BUB1: variants seen among roughly 807,000 people sequenced by gnomAD.
BUB1 encodes the protein mitotic checkpoint serine/threonine-protein kinase BUB1.
A neutral mutation model predicts 135.2 loss-of-function variants in BUB1; 84 were observed. The ratio of observed to expected loss-of-function variants is 0.62; its 90% CI spans 0.52 to 0.74. BUB1 has a LOEUF of 0.74. Among genes scored for constraint, BUB1 ranks in the 30% least tolerant of loss-of-function variants. The probability of loss-of-function intolerance (pLI) is 0.00; values close to 1 mark genes in which losing one functional copy is unlikely to be tolerated. For synonymous variants in BUB1, 403 were observed against 434.4 expected, an observed-to-expected ratio of 0.93 and a Z score of 0.90; for missense variants, 1,162 against 1,288.3, an observed-to-expected ratio of 0.90 and a Z score of 1.50.
intron 23 of BUB1, 123 bp downstream of exon 23, chr2:110,640,911 A>G: frequency 1.0e-6 from 1 of 966,110 alleles, no homozygotes; most frequent in South Asian, 2.1e-5. Flanking sequence ...CCTTAGGCTC[A>G]TCTCTCCTTC....
intron 23 of BUB1, 139 bp downstream of exon 23, chr2:110,640,895 T>C (rs13398617): frequency 0.058 from 42,444 of 727,410 alleles, 3,296 homozygotes; most frequent in African/African-American, 0.3. Flanking sequence ...ATCCCTGCCA[T>C]GTTGGCCTTA....
intron 24 of BUB1, 22 bp downstream of exon 24, chr2:110,639,720 C>A (rs139042805): frequency 1.3e-5 from 20 of 1,527,256 alleles, no homozygotes; most frequent in African/African-American, 2.7e-5. Context: ...CTTTTCACTA[C>A]AGCACCAATG....
At chr2:110,653,200 T>C (rs780149881) in intron 17 of BUB1, among the ~76,000 whole-genome samples, 5 of 152,238 alleles carry the variant, frequency 3.3e-5, no homozygotes, top group Non-Finnish European at 7.3e-5. Context: ...GTTTCTCTGA[T>C]GTTTTCTCAT....
At chr2:110,647,693 G>A (rs1037228670) in intron 19 of BUB1, among the ~76,000 whole-genome samples, 2 of 152,022 alleles carry the variant, frequency 1.3e-5, no homozygotes, top group African/African-American at 4.8e-5. Context: ...CTAAGATCAG[G>A]AACAAGGCAA....
intron 17 of BUB1, among the ~76,000 whole-genome samples, chr2:110,651,720 G>A (rs1262272168): frequency 1.3e-5 from 2 of 152,108 alleles, no homozygotes; most frequent in Non-Finnish European, 2.9e-5. Context: ...TCCATTCATG[G>A]GAAGTGCCCT....
At chr2:110,660,626 A>C (rs879853079) in intron 10 of BUB1, among the ~76,000 whole-genome samples, 7 of 152,294 alleles carry the variant, frequency 4.6e-5, no homozygotes, top group South Asian at 2.1e-4. Flanking sequence ...CAGGGATTAC[A>C]GGGATAAGAA....
chr2:110,637,890 G>T lies in BUB1; in HGVS notation c.*74C>A. 1.0e-6 allele frequency: 1 copy of T among 997,790 alleles called. No individual in the cohort carries two copies. The highest frequency in any genetic ancestry group is 1.4e-6 in the Non-Finnish European group (1 of 731,328). 61.8% of individuals were successfully genotyped at this position (997,790 alleles called of 1,614,324 possible). ...ACAAACATTTACATAAACAATAAATGAAAAAAAAACAGGTTTAAAGTGAGC... is the reference window on the plus strand; with the variant it reads ...ACAAACATTTACATAAACAATAAATTAAAAAAAAACAGGTTTAAAGTGAGC... On this transcript the variant is annotated 3_prime_UTR_variant, in exon 25 of 25. Transcript: ENST00000302759.
chr2:110,668,211 T>C (rs1444860109), intron 6 of BUB1, among the ~76,000 whole-genome samples: 1 of 152,168 alleles, frequency 6.6e-6, no homozygotes, highest in African/African-American at 2.4e-5. Flanking sequence ...TGCTAATTTT[T>C]TTTTTAATTA....
At chr2:110,677,742 C>G (rs538690136) in intron 1 of BUB1, among the ~76,000 whole-genome samples, 1 of 152,338 alleles carries the variant, frequency 6.6e-6, no homozygotes, top group East Asian at 1.9e-4. Flanking sequence ...TTGCTCCAAA[C>G]GGCCACCGCG....
chr2:110,661,928 G>A, intron 9 of BUB1, 87 bp from the exon 10 acceptor site: 3 of 1,479,748 alleles, frequency 2.0e-6, no homozygotes, highest in Non-Finnish European at 1.8e-6. Context: ...TCAAAGCATG[G>A]CATCTGTCTT....
At position 110,661,624 on chromosome 2, in the gene BUB1, G is replaced by C. The variant is rs769147680; in HGVS notation, c.1175C>G (p.Thr392Arg). The change falls in exon 10 of 25, where the codon ACA (threonine) becomes AGA (arginine). Residue 392 changes from threonine (T) to arginine (R), a missense_variant. Coordinates refer to ENST00000302759, the MANE Select transcript of BUB1 (RefSeq NM_004336.5). The stretch of plus-strand genomic sequence containing the variant: ...CACTGCAAACATGGAGTCTGTTACT[G>C]TCTGGGCTTTCAAAGGAACAGGAGG... Reference protein sequence around the residue: ...IAPPVPLKAQTVTDSMFAVAS... With the variant: ...IAPPVPLKAQRVTDSMFAVAS... 1.2e-6 allele frequency: 2 copies of C among 1,614,196 alleles called. No homozygotes were observed. Among genetic ancestry groups the C allele is most frequent in the Admixed American group, 3.3e-5 (2 of 60,030 alleles).
chr2:110,644,086 AAGAAAT>A (rs1689579571), intron 19 of BUB1, among the ~76,000 whole-genome samples: 1 of 150,760 alleles, frequency 6.6e-6, no homozygotes, highest in Non-Finnish European at 1.5e-5. Context: ...AAAAAATAGA[AAGAAAT>A]AGATAGAATA....
chr2:110,665,161 G>A (rs1029677600), intron 9 of BUB1, among the ~76,000 whole-genome samples: 1 of 152,216 alleles, frequency 6.6e-6, no homozygotes, highest in Non-Finnish European at 1.5e-5. Context: ...TCTATCAGAG[G>A]TGTTAGGTAG....
At position 110,670,429 on chromosome 2, in the gene BUB1, T is replaced by C. The variant is rs917883427; in HGVS notation, c.466+96A>G. 2.1e-6 allele frequency: 3 copies of C among 1,421,862 alleles called. No individual in the cohort carries two copies. The East Asian group carries it at 6.9e-5, about 33-fold the overall frequency. The allele number at this position is 1,421,862 out of a possible 1,614,324, so 88.1% of individuals were successfully genotyped here. ...CTGGGATTACAGGTGTGAGCCACCA[T>C]GCCCAGCCGGGTTTGTTTTTTAAAG... is the stretch of plus-strand genomic sequence containing the variant. On this transcript the variant is annotated intron_variant, in intron 5 of 24. Coordinates refer to ENST00000302759, the MANE Select transcript of BUB1 (RefSeq NM_004336.5).
chr2:110,657,596 A>G lies in BUB1; in HGVS notation c.1566T>C (p.Ser522=). 1 of 1,608,300 alleles carries G rather than the reference A, an allele frequency of 6.2e-7. No homozygotes were observed. Among genetic ancestry groups the G allele is most frequent in the African/African-American group, 1.3e-5 (1 of 74,808 alleles). Residue 522 remains serine (S), a synonymous_variant, in exon 14 of 25, where the codon TCT becomes TCC. Transcript: ENST00000302759. ...GAWGVNKIIS[S]LSSAFHVFED... ...CAAACACATGAAAAGCAGATGACAA[A>G]GAAGAGATGATCTTATTGACTCCCC... is the stretch of plus-strand genomic sequence containing the variant.
rs956742139 is a variant in BUB1 at position 110,641,395 on chromosome 2, T to C, written c.2695A>G (p.Met899Val). 5 of 1,614,160 alleles carry C rather than the reference T, an allele frequency of 3.1e-6. No homozygotes were observed. Among genetic ancestry groups the C allele is most frequent in the Non-Finnish European group, 3.4e-6 (4 of 1,180,000 alleles). ...TGCTCAATCATGTAAAGCATTCTCA[T>C]AGCAAAAGAGATGACAAGACCTTGA... is the stretch of plus-strand genomic sequence containing the variant. The part of the protein sequence containing the change: ...MPQGLVISFA[M>V]RMLYMIEQVH... Residue 899 changes from methionine to valine, a missense_variant, in exon 22 of 25, where the codon ATG becomes GTG. Transcript: ENST00000302759.
chr2:110,638,984 C>G lies in BUB1; in HGVS notation c.3062+758G>C, dbSNP rs138609181. 8.2e-3 allele frequency among the ~76,000 whole-genome samples: 1,250 copies of G among 151,772 alleles called. 10 individuals are homozygous for G. Among genetic ancestry groups the G allele is most frequent in the South Asian group, 0.033 (157 of 4,806 alleles). On this transcript the variant is annotated intron_variant, in intron 24 of 24. Coordinates refer to ENST00000302759, the MANE Select transcript of BUB1 (RefSeq NM_004336.5). Reference sequence around the variant, plus strand: ...TTCACAGATGAGGTTCCTACTCTTACGTTTTCTCAAGAAGATATAAACATA... The same window carrying G: ...TTCACAGATGAGGTTCCTACTCTTAGGTTTTCTCAAGAAGATATAAACATA...
intron 24 of BUB1, 31 bp downstream of exon 24, chr2:110,639,711 T>C: frequency 6.6e-7 from 1 of 1,518,326 alleles, no homozygotes; most frequent in Non-Finnish European, 9.1e-7. Flanking sequence ...AGTTATTCTC[T>C]TTTCACTACA....
intron 4 of BUB1, among the ~76,000 whole-genome samples, chr2:110,671,022 A>G (rs554657650): frequency 9.2e-5 from 14 of 152,320 alleles, no homozygotes; most frequent in African/African-American, 3.4e-4. Context: ...AAGTTCTCAA[A>G]TATGTCATTT....
Sources: allele counts gnomAD v4.1 joint callset (sites outside exome capture counted in the v4.1 genomes callset), GRCh38; gene constraint gnomAD v4.1.1; transcripts MANE v1.5; gene names NCBI Gene and HGNC (gene_info 2026-07-23, HGNC 2026-07-21).